The following CAMK1 variants were observed in gnomAD, a reference collection of about 807,000 sequenced individuals.
CAMK1 encodes the protein calcium/calmodulin dependent protein kinase I.
A neutral mutation model predicts 49.1 loss-of-function variants in CAMK1; 39 were observed. The observed-to-expected ratio is 0.79, with a 90% CI of 0.62 to 1.04. CAMK1 has a LOEUF of 1.04. Ranked by LOEUF, CAMK1 falls within the 50% of genes least tolerant of loss-of-function variation. CAMK1 has a pLI of 0.00. For synonymous variants in CAMK1, 192 were observed against 185.2 expected (o/e 1.04, Z -0.30); for missense variants, 457 against 472.2 (o/e 0.97, Z 0.30).
At position 9,757,677 on chromosome 3, in the gene CAMK1, C is replaced by T. The variant is rs376153270; in HGVS notation, c.1030+52G>A. On this transcript the variant is annotated intron_variant, in intron 11 of 11. Coordinates refer to ENST00000256460, the MANE Select transcript of CAMK1 (RefSeq NM_003656.5). This position sits in a 1 kb window ranked among gnomAD's most constrained non-coding sequence, Gnocchi z 4.5. The stretch of plus-strand genomic sequence containing the variant: ...CAGGGGCAGGCCCTCCACTCCAGCC[C>T]GGGTGCACCTTTGTGGACCACCCAT... The T allele has an allele frequency of 2.3e-5, 37 of 1,614,066 alleles. No individual in the cohort carries two copies. The highest frequency in any genetic ancestry group is 2.7e-5 in the Non-Finnish European group (32 of 1,179,992).
rs377649698 is a variant in CAMK1 at position 9,767,363 on chromosome 3, C to T, written c.83+304G>A. On this transcript the variant is annotated intron_variant, in intron 2 of 11. Coordinates refer to ENST00000256460, the MANE Select transcript of CAMK1 (RefSeq NM_003656.5). ...TTCCCAGCACCAAGAACAGAGCCAT[C>T]TCCAGCCTCAGTTCCCAAACCTAGG... Among the ~76,000 whole-genome samples, 21 of 152,348 alleles carry T rather than the reference C, an allele frequency of 1.4e-4. 1 individual carries two copies. The highest frequency in any genetic ancestry group is 5.1e-4 in the African/African-American group (21 of 41,582).
chr3:9,761,899 G>A (rs1482413565), intron 5 of CAMK1, 142 bp from the exon 6 acceptor site: 2 of 1,376,156 alleles, frequency 1.5e-6, no homozygotes, highest in Middle Eastern at 2.6e-4. Flanking sequence ...GAAAATCAAG[G>A]AAGCTCTCAA....
intron 10 of CAMK1, chr3:9,758,872 CAACCA>C: frequency 2.8e-6 from 1 of 353,870 alleles, no homozygotes; most frequent in East Asian, 7.2e-5. Context: ...TCAGGTGATC[CAACCA>C]CCTCGGCCTC....
intron 1 of CAMK1, among the ~76,000 whole-genome samples, chr3:9,769,606 C>T (rs2078254148): frequency 6.6e-6 from 1 of 152,204 alleles, no homozygotes; most frequent in Non-Finnish European, 1.5e-5. Context: ...TGAAGGCGCT[C>T]ACACAGGCCC....
Position 9,761,662 on chromosome 3 carries a change from G to A in CAMK1, c.525C>T (p.Leu175=), listed in dbSNP as rs1380391266. ...LSKMEDPGSV[L]STACGTPGYV... ...ATCCCGGAGTTCCACAGGCGGTGGA[G>A]AGCACACTGCCCGGGTCCTCCATCT... The change falls in exon 6 of 12, where the codon CTC becomes CTT. Residue 175 remains leucine (L), a synonymous_variant. Coordinates refer to ENST00000256460, the MANE Select transcript of CAMK1 (RefSeq NM_003656.5). 1.2e-6 allele frequency: 2 copies of A among 1,614,040 alleles called. No homozygotes were observed. Among genetic ancestry groups the A allele is most frequent in the East Asian group, 2.2e-5 (1 of 44,894 alleles).
intron 10 of CAMK1, 147 bp downstream of exon 10, chr3:9,759,341 G>C: frequency 6.4e-7 from 1 of 1,559,790 alleles, no homozygotes; most frequent in Non-Finnish European, 8.8e-7. Context: ...TTGAATGAAA[G>C]AGTGAATGAA....
chr3:9,761,064 AGCG>A, intron 7 of CAMK1: 1 of 397,666 alleles, frequency 2.5e-6, no homozygotes, highest in Non-Finnish European at 4.6e-6. Flanking sequence ...TCACCTCCAC[AGCG>A]AGCCCTTCCC....
chr3:9,757,944 T>C lies in CAMK1; in HGVS notation c.913-98A>G. ...AGTGGGATTCTTGCAATTGTTCTGTTATTTTCATTCAGGAGTTATTTTATT... is the reference window on the plus strand; with the variant it reads ...AGTGGGATTCTTGCAATTGTTCTGTCATTTTCATTCAGGAGTTATTTTATT... On this transcript the variant is annotated intron_variant, in intron 10 of 11. Coordinates refer to ENST00000256460, the MANE Select transcript of CAMK1 (RefSeq NM_003656.5). The surrounding 1 kb of genome is among the most constrained non-coding windows in gnomAD (Gnocchi z 4.5). 3 of 1,506,290 alleles carry C rather than the reference T, an allele frequency of 2.0e-6. No homozygotes were observed. Among genetic ancestry groups the C allele is most frequent in the South Asian group, 2.7e-5 (2 of 73,960 alleles). 93.3% of individuals were successfully genotyped at this position (1,506,290 alleles called of 1,614,324 possible).
At chr3:9,766,008 C>G (rs1432985063) in intron 2 of CAMK1, 118 bp from the exon 3 acceptor site, 5 of 1,614,036 alleles carry the variant, frequency 3.1e-6, no homozygotes, top group Non-Finnish European at 3.4e-6. Context: ...GATGACCCTC[C>G]CCTAGTCACT....
chr3:9,759,808 C>A (rs1227136310), intron 8 of CAMK1, 58 bp from the exon 9 acceptor site: 6 of 1,613,708 alleles, frequency 3.7e-6, no homozygotes. Flanking sequence ...TGTGTACTCC[C>A]CAAGAGCATA....
chr3:9,758,445 A>G (rs539827393), intron 10 of CAMK1: 2 of 154,460 alleles, frequency 1.3e-5, no homozygotes, highest in East Asian at 3.8e-4. Flanking sequence ...TTCCCCCAAC[A>G]TCCATTGCAT....
chr3:9,759,822 ACTCC>A, intron 8 of CAMK1, 72 bp from the exon 9 acceptor site: 1 of 1,611,960 alleles, frequency 6.2e-7, no homozygotes, highest in Non-Finnish European at 8.5e-7. Flanking sequence ...GAGCATACCC[ACTCC>A]CTCAGGTCTG....
At position 9,760,647 on chromosome 3, in the gene CAMK1, C is replaced by A; in HGVS notation, c.745+9G>T. The A allele has an allele frequency of 6.2e-7, 1 of 1,613,680 alleles. No homozygotes were observed. The highest frequency in any genetic ancestry group is 8.5e-7 in the Non-Finnish European group (1 of 1,179,812). ...AGGGCCCAGGGGAAAAAAGCAAAGC[C>A]CCAAATACCAGAGTCAGAGATGTCG... On this transcript the variant is annotated intron_variant, in intron 8 of 11. Coordinates refer to ENST00000256460, the MANE Select transcript of CAMK1 (RefSeq NM_003656.5).
rs2125561483 is a variant in CAMK1, at chr3:9,757,775, CT to C, written c.983del (p.Gln328ArgfsTer11). The C allele has an allele frequency of 3.1e-6, 5 of 1,614,158 alleles. No individual in the cohort carries two copies. The highest frequency in any genetic ancestry group is 4.5e-5 in the East Asian group (2 of 44,890). On this transcript the variant is annotated frameshift_variant, in exon 11 of 12. Coordinates refer to ENST00000256460, the MANE Select transcript of CAMK1 (RefSeq NM_003656.5). LOFTEE classifies it high-confidence loss of function. This position sits in a 1 kb window ranked among gnomAD's most constrained non-coding sequence, Gnocchi z 4.5. Reference sequence around the variant, plus strand: ...GCTCCCCATGGCTCGCCGTCTGCCCCTGCCCCTCCTGGCTGGTGCCCAGCTG... The same window carrying C: ...GCTCCCCATGGCTCGCCGTCTGCCCCGCCCCTCCTGGCTGGTGCCCAGCTG... ...KLQLGTSQEG[Q>X]GQTASHGELL... is the part of the protein sequence containing the mutation.
intron 8 of CAMK1, 112 bp downstream of exon 8, chr3:9,760,544 G>A: frequency 1.9e-6 from 2 of 1,058,378 alleles, no homozygotes; most frequent in South Asian, 2.7e-5. Flanking sequence ...ACAGCTCTTT[G>A]TGTGGTGCTG....
intron 8 of CAMK1, 32 bp downstream of exon 8, chr3:9,760,624 G>A (rs986857770): frequency 6.2e-6 from 10 of 1,611,722 alleles, no homozygotes; most frequent in Non-Finnish European, 8.5e-6. Context: ...CCAGAGGCAG[G>A]GCCCAGGGGA....
At chr3:9,759,860 C>T (rs1437255075) in intron 8 of CAMK1, 110 bp from the exon 9 acceptor site, 2 of 1,587,456 alleles carry the variant, frequency 1.3e-6, no homozygotes, top group East Asian at 4.5e-5. Flanking sequence ...ACAAAGAGGC[C>T]AAATCAGTCC....
chr3:9,763,985 T>A (rs762498986), intron 3 of CAMK1, among the ~76,000 whole-genome samples: 10 of 151,942 alleles, frequency 6.6e-5, no homozygotes, highest in Non-Finnish European at 1.3e-4. Context: ...AAACTCCATC[T>A]CAAAAAAAAT....
In CAMK1 at chr3:9,757,976, C is replaced by T; in HGVS notation, c.913-130G>A. 2.8e-6 allele frequency: 4 copies of T among 1,432,888 alleles called. No individual in the cohort carries two copies. In the South Asian group the frequency reaches 4.4e-5, roughly 16 times the overall value. 88.8% of individuals were successfully genotyped at this position (1,432,888 alleles called of 1,614,324 possible). A position where few individuals can be genotyped will look rare whatever the true frequency, so the allele number is the denominator to read the frequency against. ...ATTCAGGAGTTATTTTATTAATTCCCCTAAAGCCCCCCAAAAACCTCTACA... is the reference window on the plus strand; with the variant it reads ...ATTCAGGAGTTATTTTATTAATTCCTCTAAAGCCCCCCAAAAACCTCTACA... On this transcript the variant is annotated intron_variant, in intron 10 of 11. Transcript: ENST00000256460. The surrounding 1 kb of genome is among the most constrained non-coding windows in gnomAD (Gnocchi z 4.5).
Sources: gnomAD v4.1 joint callset for allele counts (sites outside exome capture counted in the v4.1 genomes callset) on GRCh38, gnomAD v4.1.1 for gene constraint, Gnocchi (gnomAD v3.1) non-coding constraint, MANE v1.5 for transcripts, NCBI Gene and HGNC (gene_info 2026-07-23, HGNC 2026-07-21) for gene names.